FAM83F: variants seen among roughly 807,000 people sequenced by gnomAD.
FAM83F encodes scaffolding CK1 anchoring protein F, also known as protein FAM83F.
Under a neutral mutation model 42.9 loss-of-function variants are expected in FAM83F, and 45 were observed. That is an observed-to-expected ratio of 1.05 (90% CI 0.83 to 1.35). The LOEUF (loss-of-function observed/expected upper bound fraction) is 1.35, where lower values mean the gene tolerates loss of function less well. Ranked by LOEUF, FAM83F falls within the 40% of genes most tolerant of loss-of-function variation. The probability of loss-of-function intolerance (pLI) is 0.00; values close to 1 mark genes in which losing one functional copy is unlikely to be tolerated. For synonymous variants in FAM83F, 306 were observed against 298.3 expected (o/e 1.03, Z -0.27); for missense variants, 617 against 695.9 (o/e 0.89, Z 1.28).
intron 1 of FAM83F, among the ~76,000 whole-genome samples, chr22:40,004,010 C>T (rs770882657): frequency 1.3e-5 from 2 of 152,054 alleles, no homozygotes; most frequent in Admixed American, 6.5e-5. Flanking sequence ...ATGAGTTTCC[C>T]GAACTCACCC....
chr22:40,021,656 G>A lies in FAM83F; in HGVS notation c.1146G>A (p.Glu382=), dbSNP rs1049561597. The change falls in exon 4 of 5, where the codon GAG becomes GAA. Residue 382 remains glutamate, a synonymous_variant. Coordinates refer to ENST00000333407, the MANE Select transcript of FAM83F (RefSeq NM_138435.4). The surrounding 1 kb of genome is among the most constrained non-coding windows in gnomAD (Gnocchi z 8.7). ...TCCTGAAAGACCTGGTTACGGTGGAGCAGGTGCTGCCCCCCGTGGAGCCCA... is the reference window on the plus strand; with the variant it reads ...TCCTGAAAGACCTGGTTACGGTGGAACAGGTGCTGCCCCCCGTGGAGCCCA... The part of the protein sequence containing the change: ...ESFLKDLVTV[E]QVLPPVEPIP... 3 of 1,607,184 alleles carry A rather than the reference G, an allele frequency of 1.9e-6. No individual in the cohort carries two copies. The highest frequency in any genetic ancestry group is 2.7e-5 in the African/African-American group (2 of 74,908).
intron 3 of FAM83F, among the ~76,000 whole-genome samples, chr22:40,020,357 ATTT>A (rs552816341): frequency 5.2e-5 from 6 of 116,398 alleles, no homozygotes; most frequent in African/African-American, 3.3e-5. Flanking sequence ...TGTCGCCAGA[ATTT>A]TTTTTTTTTT....
chr22:40,012,640 T>TGC (rs2067471790), intron 1 of FAM83F, among the ~76,000 whole-genome samples: 1 of 150,388 alleles, frequency 6.6e-6, no homozygotes, highest in African/African-American at 2.5e-5. Context: ...CGTGATGGTG[T>TGC]GCACCTGTAA....
intron 1 of FAM83F, among the ~76,000 whole-genome samples, chr22:40,000,445 C>T (rs532790616): frequency 1.3e-5 from 2 of 152,318 alleles, no homozygotes; most frequent in South Asian, 4.1e-4. Context: ...AAAGACTCAG[C>T]TTTGCATATG....
chr22:40,022,687 G>A (rs1249142853), intron 4 of FAM83F, among the ~76,000 whole-genome samples: 1 of 152,188 alleles, frequency 6.6e-6, no homozygotes. Flanking sequence ...TCTCTGGGGT[G>A]GCCTTTCAGG....
intron 1 of FAM83F, among the ~76,000 whole-genome samples, chr22:40,003,721 C>T (rs1245783850): frequency 6.6e-6 from 1 of 152,102 alleles, no homozygotes; most frequent in South Asian, 2.1e-4. Context: ...GCTAATGATC[C>T]CATAATCTTA....
intron 4 of FAM83F, among the ~76,000 whole-genome samples, chr22:40,026,763 T>C (rs944254532): frequency 1.3e-5 from 2 of 152,050 alleles, no homozygotes; most frequent in Non-Finnish European, 2.9e-5. Context: ...TCCCTGGATT[T>C]ATGTGTGGTT....
chr22:40,003,547 G>GC (rs1019358354), intron 1 of FAM83F, among the ~76,000 whole-genome samples: 1 of 75,872 alleles, frequency 1.3e-5, no homozygotes, highest in African/African-American at 5.6e-5. Flanking sequence ...CCCCTGCTCA[G>GC]GGGGGGTGTC....
chr22:40,004,229 T>G (rs1194761520), intron 1 of FAM83F, among the ~76,000 whole-genome samples: 1 of 150,108 alleles, frequency 6.7e-6, no homozygotes, highest in African/African-American at 2.4e-5. Flanking sequence ...TATTACTTAT[T>G]GGGCATATAA....
intron 1 of FAM83F, among the ~76,000 whole-genome samples, chr22:40,008,032 G>A (rs1266647489): frequency 2.6e-5 from 4 of 152,226 alleles, no homozygotes; most frequent in Admixed American, 6.5e-5. Context: ...CGTGCATTGC[G>A]ACATTCAGCA....
chr22:40,040,061 G>T lies in FAM83F; in HGVS notation c.*10496G>T, dbSNP rs1967265523. 1 of 152,288 alleles carries T rather than the reference G, an allele frequency of 6.6e-6. No individual in the cohort carries two copies. The highest frequency in any genetic ancestry group is 6.5e-5 in the Admixed American group (1 of 15,286). 9.4% of individuals were successfully genotyped at this position (152,288 alleles called of 1,614,324 possible). ...GTGGGAGAAAAGCCAGATCTCAGTTGGGACGTGGAGGAAGGACCACCAGAG... is the reference window on the plus strand; with the variant it reads ...GTGGGAGAAAAGCCAGATCTCAGTTTGGACGTGGAGGAAGGACCACCAGAG... On this transcript the variant is annotated 3_prime_UTR_variant, in exon 5 of 5. Coordinates refer to ENST00000333407, the MANE Select transcript of FAM83F (RefSeq NM_138435.4).
At chr22:40,008,668 C>T (rs2067448442) in intron 1 of FAM83F, among the ~76,000 whole-genome samples, 1 of 152,186 alleles carries the variant, frequency 6.6e-6, no homozygotes, top group African/African-American at 2.4e-5. Context: ...AATGCATTTT[C>T]TTGGGCCTTT....
rs1471934207 is a variant in FAM83F, at chr22:40,037,231, G to A, written c.*7666G>A. ...TATTAAAAATACAAAAATTAGCCTG[G>A]TGTGGTGGCACATGCCTGTAATCCC... is the stretch of plus-strand genomic sequence containing the variant. On this transcript the variant is annotated 3_prime_UTR_variant, in exon 5 of 5. Transcript: ENST00000333407. 6.6e-6 allele frequency: 1 copy of A among 152,214 alleles called. No homozygotes were observed. The highest frequency in any genetic ancestry group is 1.5e-5 in the Non-Finnish European group (1 of 68,086). The allele number at this position is 152,214 out of a possible 1,614,324, so 9.4% of individuals were successfully genotyped here.
intron 1 of FAM83F, among the ~76,000 whole-genome samples, chr22:40,005,202 C>T (rs2067421363): frequency 1.3e-5 from 2 of 152,216 alleles, no homozygotes; most frequent in Non-Finnish European, 2.9e-5. Context: ...AGAAATACCT[C>T]GACAGATATT....
At chr22:40,006,794 CAG>C (rs2067431734) in intron 1 of FAM83F, among the ~76,000 whole-genome samples, 1 of 152,082 alleles carries the variant, frequency 6.6e-6, no homozygotes, top group Non-Finnish European at 1.5e-5. Context: ...AACGGGGAAA[CAG>C]GGCACTTGGG....
Position 40,040,756 on chromosome 22 carries a change from G to GT in FAM83F, c.*11192dup, listed in dbSNP as rs1272936609. On this transcript the variant is annotated 3_prime_UTR_variant, in exon 5 of 5. Coordinates refer to ENST00000333407, the MANE Select transcript of FAM83F (RefSeq NM_138435.4). ...GCTACACCCACTGCCCAAGCAAGCA[G>GT]TATCAGCTGTCAGCTGTCCCCTTGT... 2.6e-5 allele frequency: 4 copies of GT among 152,242 alleles called. No homozygotes were observed. Among genetic ancestry groups the GT allele is most frequent in the South Asian group, 4.1e-4 (2 of 4,826 alleles). The allele number at this position is 152,242 out of a possible 1,614,324, so 9.4% of individuals were successfully genotyped here. A position where few individuals can be genotyped will look rare whatever the true frequency, so the allele number is the denominator to read the frequency against.
rs2067657505 is a variant in FAM83F at position 40,042,757 on chromosome 22, A to T, written c.*13192A>T. ...AATGTGAAGGACACAAAGATGAAAAAGAAACCATCTGCTTCAAGGTACTTA... is the reference window on the plus strand; with the variant it reads ...AATGTGAAGGACACAAAGATGAAAATGAAACCATCTGCTTCAAGGTACTTA... On this transcript the variant is annotated 3_prime_UTR_variant, in exon 5 of 5. Transcript: ENST00000333407. 6.6e-6 allele frequency: 1 copy of T among 152,254 alleles called. No homozygotes were observed. Among genetic ancestry groups the T allele is most frequent in the African/African-American group, 2.4e-5 (1 of 41,466 alleles). 9.4% of individuals were successfully genotyped at this position (152,254 alleles called of 1,614,324 possible). A position where few individuals can be genotyped will look rare whatever the true frequency, so the allele number is the denominator to read the frequency against.
Position 40,039,781 on chromosome 22 carries a change from A to C in FAM83F, c.*10216A>C, listed in dbSNP as rs2067643394. The C allele has an allele frequency of 6.6e-6, 1 of 152,296 alleles. No individual in the cohort carries two copies. The highest frequency in any genetic ancestry group is 2.4e-5 in the African/African-American group (1 of 41,470). The allele number at this position is 152,296 out of a possible 1,614,324, so 9.4% of individuals were successfully genotyped here. ...AGGAAAGCTGGCTATTTGGGGAAGC[A>C]AAGAAAAGATTCTCAGAGTAAAACG... On this transcript the variant is annotated 3_prime_UTR_variant, in exon 5 of 5. Transcript: ENST00000333407.
In FAM83F at chr22:39,995,303, C is replaced by G. The variant is rs1325337456; in HGVS notation, c.261C>G (p.Ser87Arg). The G allele has an allele frequency of 3.9e-6, 6 of 1,536,430 alleles. No homozygotes were observed. Among genetic ancestry groups the G allele is most frequent in the Non-Finnish European group, 5.2e-6 (6 of 1,145,222 alleles). ...CCGCCGCCAACGCCCGGGGCAAGAG[C>G]AAGGCCAAGGCCAAGGCCCCCGCGC... ...AVPAANARGK[S>R]KAKAKAPAPA... The change falls in exon 1 of 5, where the codon AGC becomes AGG. Residue 87 changes from serine (S) to arginine (R), a missense_variant. Physicochemically the swap from Ser to Arg is moderately radical, Grantham distance 110. Transcript: ENST00000333407. This position sits in a 1 kb window ranked among gnomAD's most constrained non-coding sequence, Gnocchi z 4.6.
Sources: allele counts gnomAD v4.1 joint callset (sites outside exome capture counted in the v4.1 genomes callset), GRCh38; gene constraint gnomAD v4.1.1; non-coding constraint Gnocchi (gnomAD v3.1); transcripts MANE v1.5; gene names NCBI Gene and HGNC (gene_info 2026-07-23, HGNC 2026-07-21).